Variants in DGKI observed in about 807,000 individuals in gnomAD.
DGKI encodes the protein DAG kinase iota.
In DGKI, 55 loss-of-function variants were observed where a neutral mutation model predicts 147.5. That is an observed-to-expected ratio of 0.37 (90% CI 0.30 to 0.47). DGKI has a LOEUF of 0.47. DGKI is among the 20% of genes least tolerant of loss of function. The pLI, the probability that DGKI is intolerant of heterozygous loss-of-function variation, is 1.00. For synonymous variants in DGKI, 469 were observed against 477.1 expected (o/e 0.98, Z 0.22); for missense variants, 1,007 against 1,323.8 (o/e 0.76, Z 3.71).
intron 28 of DGKI, among the ~76,000 whole-genome samples, chr7:137,412,516 C>T (rs4732254): frequency 0.32 from 48,343 of 151,910 alleles, 8,902 homozygotes; most frequent in East Asian, 0.64. Context: ...GGACACTGGG[C>T]AAATCATTTA....
At chr7:137,777,348 A>G (rs1796392548) in intron 1 of DGKI, among the ~76,000 whole-genome samples, 2 of 152,230 alleles carry the variant, frequency 1.3e-5, no homozygotes, top group Non-Finnish European at 1.5e-5. Flanking sequence ...GATTCCACCA[A>G]GAAAGAATCT....
Position 137,557,106 on chromosome 7 carries a change from A to G in DGKI, c.1948-4538T>C, listed in dbSNP as rs572194459. On this transcript the variant is annotated intron_variant, in intron 19 of 32. Transcript: ENST00000614521. ...GTCAGCCTACCCTGCAAATTGGTGCAAATTGGGACTTGCCAGCCTCCAATT... is the reference window on the plus strand; with the variant it reads ...GTCAGCCTACCCTGCAAATTGGTGCGAATTGGGACTTGCCAGCCTCCAATT... Among the ~76,000 whole-genome samples the G allele has an allele frequency of 2.6e-5, 4 of 152,328 alleles. No individual in the cohort carries two copies. In the South Asian group the frequency reaches 6.2e-4, roughly 24 times the overall value.
Position 137,618,707 on chromosome 7 carries a change from T to C in DGKI, c.993+1117A>G, listed in dbSNP as rs180782974. Reference sequence around the variant, plus strand: ...GAATTCAGTACACTTGAATTTCAAATAGTAATACTATATATAATTTGTTTT... The same window carrying C: ...GAATTCAGTACACTTGAATTTCAAACAGTAATACTATATATAATTTGTTTT... On this transcript the variant is annotated intron_variant, in intron 8 of 32. Coordinates refer to ENST00000614521, the MANE Select transcript of DGKI (RefSeq NM_001321708.2). 2.3e-3 allele frequency among the ~76,000 whole-genome samples: 347 copies of C among 152,324 alleles called. 1 individual carries two copies. The highest frequency in any genetic ancestry group is 8.1e-3 in the African/African-American group (337 of 41,570).
intron 27 of DGKI, among the ~76,000 whole-genome samples, chr7:137,457,254 TTCA>T (rs1351341368): frequency 6.6e-6 from 1 of 152,156 alleles, no homozygotes; most frequent in African/African-American, 2.4e-5. Flanking sequence ...CAGCACTGAT[TTCA>T]TCTCTAAGAT....
intron 1 of DGKI, among the ~76,000 whole-genome samples, chr7:137,840,962 C>T (rs1292240156): frequency 6.6e-6 from 1 of 152,196 alleles, no homozygotes; most frequent in African/African-American, 2.4e-5. Flanking sequence ...GGCACTATGC[C>T]ATGTCCTTTA....
chr7:137,452,457 C>T (rs941896841), intron 27 of DGKI, among the ~76,000 whole-genome samples: 1 of 152,228 alleles, frequency 6.6e-6, no homozygotes, highest in Non-Finnish European at 1.5e-5. Flanking sequence ...TCCTTCTACA[C>T]CCTACACAGC....
intron 3 of DGKI, among the ~76,000 whole-genome samples, chr7:137,659,718 G>A (rs1434215064): frequency 3.3e-5 from 5 of 152,190 alleles, no homozygotes; most frequent in Non-Finnish European, 5.9e-5. Flanking sequence ...GGATCACAAG[G>A]TCAGGAGATC....
intron 30 of DGKI, among the ~76,000 whole-genome samples, chr7:137,400,848 TCA>T (rs1472816988): frequency 6.6e-6 from 1 of 152,174 alleles, no homozygotes; most frequent in African/African-American, 2.4e-5. Context: ...ACATAGATAA[TCA>T]CAAAATAGCA....
At chr7:137,403,439 T>G (rs1271055858) in intron 30 of DGKI, among the ~76,000 whole-genome samples, 1 of 152,176 alleles carries the variant, frequency 6.6e-6, no homozygotes, top group Admixed American at 6.5e-5. Context: ...TTGTTGTGTC[T>G]GGGAGAATAA....
intron 24 of DGKI, among the ~76,000 whole-genome samples, chr7:137,467,419 T>G (rs1168668577): frequency 6.6e-6 from 1 of 152,240 alleles, no homozygotes; most frequent in Non-Finnish European, 1.5e-5. Context: ...GGAATTAGTA[T>G]GTATTTATTA....
chr7:137,438,271 T>C (rs1158803917), intron 28 of DGKI, among the ~76,000 whole-genome samples: 1 of 151,840 alleles, frequency 6.6e-6, no homozygotes, highest in African/African-American at 2.4e-5. Context: ...GTAAAAGAAA[T>C]AAAAAGACCT....
intron 24 of DGKI, among the ~76,000 whole-genome samples, chr7:137,467,951 T>C (rs1470764313): frequency 6.6e-6 from 1 of 150,590 alleles, no homozygotes; most frequent in African/African-American, 2.4e-5. Context: ...GCCACTGCAC[T>C]TCAGCCTGGG....
chr7:137,832,781 GAA>G (rs1563218800), intron 1 of DGKI, among the ~76,000 whole-genome samples: 1 of 152,196 alleles, frequency 6.6e-6, no homozygotes, highest in African/African-American at 2.4e-5. Flanking sequence ...CAAATTTTCT[GAA>G]CTTTTATGCT....
intron 23 of DGKI, among the ~76,000 whole-genome samples, chr7:137,482,850 T>C (rs528733603): frequency 1.3e-4 from 20 of 152,136 alleles, no homozygotes; most frequent in African/African-American, 4.8e-4. Context: ...GTCCCCTGAT[T>C]TTTATCACTC....
chr7:137,573,547 G>A lies in DGKI; in HGVS notation c.1762-709C>T, dbSNP rs373547589. Among the ~76,000 whole-genome samples, 5 of 152,300 alleles carry A rather than the reference G, an allele frequency of 3.3e-5. No homozygotes were observed. In the South Asian group the frequency reaches 8.3e-4, roughly 25 times the overall value. ...AGCCTCCCAAGTAGCTGGGATTACA[G>A]GTGCCCGCCACCACGCCCAGCTAAT... On this transcript the variant is annotated intron_variant, in intron 17 of 32. Coordinates refer to ENST00000614521, the MANE Select transcript of DGKI (RefSeq NM_001321708.2).
Position 137,678,499 on chromosome 7 carries a change from C to A in DGKI, c.606+58G>T. 5.3e-6 allele frequency: 8 copies of A among 1,497,694 alleles called. No individual in the cohort carries two copies. The Admixed American group carries it at 6.7e-5, about 13-fold the overall frequency. The allele number at this position is 1,497,694 out of a possible 1,614,324, so 92.8% of individuals were successfully genotyped here. ...CCCCTTGGAAATTTAGGCAAGGTGA[C>A]CCCTCTATTCATTCAGATCCACAGG... On this transcript the variant is annotated intron_variant, in intron 3 of 32. Transcript: ENST00000614521.
At chr7:137,679,467 CT>C (rs1345992111) in intron 2 of DGKI, among the ~76,000 whole-genome samples, 1 of 149,284 alleles carries the variant, frequency 6.7e-6, no homozygotes, top group Non-Finnish European at 1.5e-5. Flanking sequence ...GGGACTCTAT[CT>C]TGGAAATTAT....
intron 1 of DGKI, among the ~76,000 whole-genome samples, chr7:137,825,170 T>C (rs1299419151): frequency 6.6e-6 from 1 of 152,216 alleles, no homozygotes; most frequent in Non-Finnish European, 1.5e-5. Flanking sequence ...GAGCTATGCC[T>C]TAAGTCTTGC....
chr7:137,622,733 T>C (rs1820793714), intron 7 of DGKI, among the ~76,000 whole-genome samples: 1 of 152,218 alleles, frequency 6.6e-6, no homozygotes, highest in African/African-American at 2.4e-5. Flanking sequence ...TGGGTTAGAC[T>C]ATATGTTATG....
Sources: allele counts gnomAD v4.1 joint callset (sites outside exome capture counted in the v4.1 genomes callset), GRCh38; gene constraint gnomAD v4.1.1; transcripts MANE v1.5; gene names NCBI Gene and HGNC (gene_info 2026-07-23, HGNC 2026-07-21).